ZNF654: variants seen among roughly 807,000 people sequenced by gnomAD.
ZNF654 encodes the protein melanoma-associated antigen.
ZNF654 carries 19 observed loss-of-function variants against 95.3 expected under a neutral mutation model. The ratio of observed to expected loss-of-function variants is 0.20; its 90% CI spans 0.14 to 0.29. The LOEUF (loss-of-function observed/expected upper bound fraction) is 0.29. ZNF654 is among the 10% of genes least tolerant of loss of function. The pLI is 1.00. For synonymous variants in ZNF654, 413 were observed against 457.9 expected (o/e 0.90, Z 1.25); for missense variants, 1,046 against 1,341.0 (o/e 0.78, Z 3.44).
intron 7 of ZNF654, among the ~76,000 whole-genome samples, chr3:88,137,471 T>C (rs1373348643): frequency 6.6e-6 from 1 of 152,190 alleles, no homozygotes; most frequent in Non-Finnish European, 1.5e-5. Flanking sequence ...CCAACTTTTA[T>C]GCTAACCATA....
intron 1 of ZNF654, among the ~76,000 whole-genome samples, chr3:88,061,495 A>G (rs1706882330): frequency 6.6e-6 from 1 of 152,214 alleles, no homozygotes; most frequent in East Asian, 1.9e-4. Flanking sequence ...AACATAGTTT[A>G]TTACCTGAAA....
chr3:88,139,875 G>A lies in ZNF654; in HGVS notation c.2206G>A (p.Asp736Asn). 6.2e-7 allele frequency: 1 copy of A among 1,609,422 alleles called. No homozygotes were observed. The highest frequency in any genetic ancestry group is 8.5e-7 in the Non-Finnish European group (1 of 1,177,592). Residue 736 changes from aspartate (D) to asparagine (N), a missense_variant, in exon 8 of 9, where the codon GAC (aspartate) becomes AAC (asparagine). Around this residue, in one of 9 missense-constraint regions of ZNF654, gnomAD observed 495 missense variants for 537.0 expected, o/e 0.92. Coordinates refer to ENST00000636215, the MANE Select transcript of ZNF654 (RefSeq NM_001350134.2). ...KINGTVCHPK[D>N]IYATDQEGNF... ...CAATGGAACTGTGTGCCATCCAAAA[G>A]ACATATATGCCACAGATCAAGAAGG... is the stretch of plus-strand genomic sequence containing the variant.
At chr3:88,091,827 T>A (rs933264451) in intron 2 of ZNF654, among the ~76,000 whole-genome samples, 6 of 152,200 alleles carry the variant, frequency 3.9e-5, no homozygotes, top group African/African-American at 1.2e-4. Flanking sequence ...CTTCGCCTTC[T>A]GCTGTGATTG....
At chr3:88,138,599 A>G (rs970687027) in intron 7 of ZNF654, 106 bp from the exon 8 acceptor site, 11 of 598,534 alleles carry the variant, frequency 1.8e-5, no homozygotes, top group Admixed American at 4.4e-5. Flanking sequence ...TTGGAATACT[A>G]TGTTTATTCA....
chr3:88,139,179 G>C lies in ZNF654; in HGVS notation c.1510G>C (p.Asp504His), dbSNP rs527460815. ...GLDEGFDSLT[D>H]QSTGETDPDD... ...GGATGAAGGGTTTGACTCTCTTACAGATCAGAGCACTGGAGAGACTGATCC... is the reference window on the plus strand; with the variant it reads ...GGATGAAGGGTTTGACTCTCTTACACATCAGAGCACTGGAGAGACTGATCC... The change falls in exon 8 of 9, where the codon GAT becomes CAT. Residue 504 changes from aspartate (D) to histidine (H), a missense_variant. Coordinates refer to ENST00000636215, the MANE Select transcript of ZNF654 (RefSeq NM_001350134.2). 1 of 1,417,832 alleles carries C rather than the reference G, an allele frequency of 7.1e-7. No homozygotes were observed. 87.8% of individuals were successfully genotyped at this position (1,417,832 alleles called of 1,614,324 possible). A position where few individuals can be genotyped will look rare whatever the true frequency, so the allele number is the denominator to read the frequency against.
chr3:88,091,870 C>A (rs1359925535), intron 2 of ZNF654, among the ~76,000 whole-genome samples: 3 of 152,156 alleles, frequency 2.0e-5, no homozygotes, highest in African/African-American at 7.2e-5. Flanking sequence ...AACTGTGAGT[C>A]CATTAAACCT....
rs1324632504 is a variant in ZNF654 at position 88,140,734 on chromosome 3, C to T, written c.3065C>T (p.Pro1022Leu). ...SVVPQEHNTL[P>L]VSQAPSKPNL... is the part of the protein sequence containing the mutation. The stretch of plus-strand genomic sequence containing the variant: ...GTACCACAAGAACACAACACCTTGC[C>T]AGTATCTCAGGCACCTTCCAAACCA... Residue 1022 changes from proline to leucine, a missense_variant, in exon 8 of 9, where the codon CCA becomes CTA. Physicochemically the swap from Pro to Leu is moderately conservative, Grantham distance 98. This residue lies in a region of ZNF654 where 495 missense variants were observed against 537.0 expected (regional missense o/e 0.92). Transcript: ENST00000636215. The T allele has an allele frequency of 1.2e-6, 2 of 1,613,582 alleles. No homozygotes were observed. The highest frequency in any genetic ancestry group is 2.2e-5 in the East Asian group (1 of 44,886).
intron 6 of ZNF654, among the ~76,000 whole-genome samples, chr3:88,131,649 AATAGAGGCTCAGT>A (rs1332200352): frequency 6.6e-6 from 1 of 152,116 alleles, no homozygotes; most frequent in African/African-American, 2.4e-5. Flanking sequence ...ACCTTCTAAG[AATAGAGGCTCAGT>A]GTCTCCAGCT....
intron 2 of ZNF654, among the ~76,000 whole-genome samples, chr3:88,097,964 A>G (rs1704166267): frequency 6.6e-6 from 1 of 152,076 alleles, no homozygotes; most frequent in African/African-American, 2.4e-5. Context: ...CTAGCAGAAG[A>G]CAAGAAATAA....
At chr3:88,068,024 A>T (rs534855052) in intron 1 of ZNF654, among the ~76,000 whole-genome samples, 3 of 152,274 alleles carry the variant, frequency 2.0e-5, no homozygotes, top group Admixed American at 6.5e-5. Flanking sequence ...AGTAAGGACA[A>T]CACTCAAAGC....
At chr3:88,092,487 T>C (rs564023348) in intron 2 of ZNF654, among the ~76,000 whole-genome samples, 1 of 152,292 alleles carries the variant, frequency 6.6e-6, no homozygotes, top group Admixed American at 6.5e-5. Context: ...CTGGGTGAGC[T>C]AACTTGCTGT....
At chr3:88,137,154 C>T (rs986029106) in intron 7 of ZNF654, among the ~76,000 whole-genome samples, 3 of 116,246 alleles carry the variant, frequency 2.6e-5, no homozygotes, top group African/African-American at 9.8e-5. Context: ...GAGATCATGC[C>T]ATTCTACTCC....
intron 2 of ZNF654, among the ~76,000 whole-genome samples, chr3:88,091,866 G>C (rs1214098723): frequency 1.3e-5 from 2 of 152,144 alleles, no homozygotes; most frequent in Non-Finnish European, 2.9e-5. Flanking sequence ...GTAGAACTGT[G>C]AGTCCATTAA....
At chr3:88,071,994 TATCA>T (rs533971907) in intron 1 of ZNF654, among the ~76,000 whole-genome samples, 11 of 152,304 alleles carry the variant, frequency 7.2e-5, no homozygotes, top group South Asian at 6.2e-4. Flanking sequence ...TTTTTCTTAC[TATCA>T]ATCAGTTGAA....
At chr3:88,063,489 C>G (rs1316731160) in intron 1 of ZNF654, among the ~76,000 whole-genome samples, 8 of 152,084 alleles carry the variant, frequency 5.3e-5, no homozygotes, top group African/African-American at 1.9e-4. Flanking sequence ...AAATTTGTCT[C>G]AGGAAGAAAC....
intron 7 of ZNF654, among the ~76,000 whole-genome samples, chr3:88,138,374 TAAATG>T (rs1407458855): frequency 6.6e-6 from 1 of 152,098 alleles, no homozygotes; most frequent in Non-Finnish European, 1.5e-5. Flanking sequence ...CCTACAATAA[TAAATG>T]GGGGTCTAGA....
At chr3:88,087,135 G>GCC (rs1315382369) in intron 2 of ZNF654, among the ~76,000 whole-genome samples, 6 of 151,934 alleles carry the variant, frequency 3.9e-5, no homozygotes, top group African/African-American at 1.5e-4. Context: ...CCGGAGTGCA[G>GCC]TGGTGTGATC....
chr3:88,107,987 A>AT (rs534570272), intron 2 of ZNF654, among the ~76,000 whole-genome samples: 52 of 149,910 alleles, frequency 3.5e-4, no homozygotes, highest in African/African-American at 7.3e-4. Context: ...TGTTCTTATC[A>AT]TTTTTTTTTG....
At chr3:88,077,178 C>T (rs1310422245) in intron 1 of ZNF654, among the ~76,000 whole-genome samples, 2 of 152,098 alleles carry the variant, frequency 1.3e-5, no homozygotes, top group African/African-American at 2.4e-5. Context: ...ATATAAGAAT[C>T]AGAATAGGGG....
Sources: allele counts gnomAD v4.1 joint callset (sites outside exome capture counted in the v4.1 genomes callset), GRCh38; gene constraint gnomAD v4.1.1; regional missense constraint gnomAD v4.1.1; transcripts MANE v1.5; gene names NCBI Gene and HGNC (gene_info 2026-07-23, HGNC 2026-07-21).